Variants in DPF2 observed in about 807,000 individuals in gnomAD.
The protein encoded by DPF2 is double PHD fingers 2.
A neutral mutation model predicts 59.6 loss-of-function variants in DPF2; 10 were observed. The ratio of observed to expected loss-of-function variants is 0.17; its 90% CI spans 0.10 to 0.28. The LOEUF is 0.28. DPF2 is among the 10% of genes least tolerant of loss of function. The pLI is 1.00. For missense variants in DPF2, 315 were observed against 509.4 expected, an observed-to-expected ratio of 0.62 and a Z score of 3.67; for synonymous variants, 189 against 190.6, an observed-to-expected ratio of 0.99 and a Z score of 0.07.
In DPF2 at chr11:65,345,745, G is replaced by A. The variant is rs1312697528; in HGVS notation, c.717G>A (p.Glu239=). Reference sequence around the variant, plus strand: ...CCCACTTGGCTGAGGAGGAGGGCGAGGACAAGGAAGACTCTCAACCACCCA... The same window carrying A: ...CCCACTTGGCTGAGGAGGAGGGCGAAGACAAGGAAGACTCTCAACCACCCA... ...AHSHLAEEEG[E]DKEDSQPPTP... The change falls in exon 7 of 11, where the codon GAG becomes GAA. Residue 239 remains glutamate (E), a synonymous_variant. Coordinates refer to ENST00000528416, the MANE Select transcript of DPF2 (RefSeq NM_006268.5). 2 of 1,614,140 alleles carry A rather than the reference G, an allele frequency of 1.2e-6. No individual in the cohort carries two copies. Among genetic ancestry groups the A allele is most frequent in the South Asian group, 1.1e-5 (1 of 91,084 alleles).
chr11:65,345,483 C>A, intron 6 of DPF2, 183 bp from the exon 7 acceptor site: 1 of 759,578 alleles, frequency 1.3e-6, no homozygotes, highest in Non-Finnish European at 2.1e-6. Context: ...GCTAGAGAGC[C>A]CCACGGCCTG....
chr11:65,338,647 G>A (rs1249324321), intron 1 of DPF2, among the ~76,000 whole-genome samples: 4 of 152,146 alleles, frequency 2.6e-5, no homozygotes, highest in African/African-American at 4.8e-5. Context: ...CGTGAGATTC[G>A]TGCCTACCTC....
intron 10 of DPF2, among the ~76,000 whole-genome samples, chr11:65,351,165 A>G (rs1311023661): frequency 6.6e-6 from 1 of 152,184 alleles, no homozygotes; most frequent in Non-Finnish European, 1.5e-5. Flanking sequence ...AAGCCCTAGA[A>G]TAATGTCCAA....
At chr11:65,344,133 G>A in intron 6 of DPF2, 64 bp downstream of exon 6, 1 of 1,524,944 alleles carries the variant, frequency 6.6e-7, no homozygotes, top group African/African-American at 1.4e-5. Flanking sequence ...CTGGATATGA[G>A]AGGAGGGAGG....
At position 65,343,795 on chromosome 11, in the gene DPF2, T is replaced by C. The variant is rs757335854; in HGVS notation, c.516T>C (p.Tyr172=). Reference sequence around the variant, plus strand: ...TGGATGACCTCGATGATGAAGACTATGAAGAAGATACTCCCAAGCGTCGGG... The same window carrying C: ...TGGATGACCTCGATGATGAAGACTACGAAGAAGATACTCCCAAGCGTCGGG... ...DFLDDLDDED[Y]EEDTPKRRGK... Residue 172 remains tyrosine (Y), a synonymous_variant, in exon 5 of 11, where the codon TAT becomes TAC. Coordinates refer to ENST00000528416, the MANE Select transcript of DPF2 (RefSeq NM_006268.5). 9.4e-6 allele frequency: 15 copies of C among 1,595,838 alleles called. No individual in the cohort carries two copies. The highest frequency in any genetic ancestry group is 7.9e-5 in the South Asian group (7 of 88,352).
intron 1 of DPF2, among the ~76,000 whole-genome samples, chr11:65,337,353 T>C (rs1380735329): frequency 1.4e-5 from 2 of 148,132 alleles, no homozygotes; most frequent in East Asian, 2.0e-4. Context: ...AAGAGAATCG[T>C]TGGAACCCGG....
chr11:65,340,621 C>A, intron 2 of DPF2, 76 bp downstream of exon 2: 1 of 1,567,968 alleles, frequency 6.4e-7, no homozygotes. Flanking sequence ...GGTGATGAGA[C>A]AGTTGATAGG....
rs1353512216 is a variant in DPF2 at position 65,354,174 on chromosome 11, T to C, written c.*2415T>C. ...CTGCGTTTAATTCGGGACTGAAGGT[T>C]AGCAGGGAAGGGAACGATGCCAGAT... is the stretch of plus-strand genomic sequence containing the variant. On this transcript the variant is annotated 3_prime_UTR_variant, in exon 11 of 11. Transcript: ENST00000528416. Among the ~76,000 whole-genome samples the C allele has an allele frequency of 6.6e-6, 1 of 152,184 alleles. No individual in the cohort carries two copies. Among genetic ancestry groups the C allele is most frequent in the Non-Finnish European group, 1.5e-5 (1 of 68,022 alleles).
At chr11:65,337,897 C>G (rs557677001) in intron 1 of DPF2, among the ~76,000 whole-genome samples, 14 of 152,134 alleles carry the variant, frequency 9.2e-5, no homozygotes, top group African/African-American at 3.4e-4. Context: ...CTCCGCCTCC[C>G]AGGTTCAAGC....
At chr11:65,350,685 A>G (rs1854670475) in intron 10 of DPF2, among the ~76,000 whole-genome samples, 1 of 151,400 alleles carries the variant, frequency 6.6e-6, no homozygotes, top group Non-Finnish European at 1.5e-5. Context: ...TCTAGCCTGA[A>G]GAAAATCCCC....
intron 4 of DPF2, 167 bp downstream of exon 4, chr11:65,341,729 T>C: frequency 1.2e-6 from 1 of 853,442 alleles, no homozygotes; most frequent in South Asian, 2.0e-5. Context: ...ACTGACTGGC[T>C]TCTCTGTTGC....
Position 65,341,088 on chromosome 11 carries a change from TC to T in DPF2, c.301+17del. 6.2e-7 allele frequency: 1 copy of T among 1,613,158 alleles called. No homozygotes were observed. Among genetic ancestry groups the T allele is most frequent in the Non-Finnish European group, 8.5e-7 (1 of 1,179,466 alleles). On this transcript the variant is annotated intron_variant, in intron 3 of 10. Transcript: ENST00000528416. ...TATTAAGCCAGGTAAGGCACATACT[TC>T]CTGAGCAGAGGCGTGGCCTGCTGCA... is the stretch of plus-strand genomic sequence containing the variant.
intron 4 of DPF2, 160 bp from the exon 5 acceptor site, chr11:65,343,585 G>A (rs1854442783): frequency 3.2e-6 from 2 of 632,004 alleles, no homozygotes; most frequent in South Asian, 1.9e-5. Context: ...GGGAGCAGGA[G>A]CAGGATTATA....
intron 1 of DPF2, among the ~76,000 whole-genome samples, chr11:65,335,201 G>A (rs1166752692): frequency 1.3e-5 from 2 of 151,340 alleles, no homozygotes; most frequent in African/African-American, 4.9e-5. Flanking sequence ...TCTTTCTTCA[G>A]GCTGACATTT....
At position 65,351,945 on chromosome 11, in the gene DPF2, C is replaced by T; in HGVS notation, c.*186C>T. ...AGCTCTGACCACCTCTGGCCCCAGGCCCTCAGGGAGAAAGGAGCAACACAC... is the reference window on the plus strand; with the variant it reads ...AGCTCTGACCACCTCTGGCCCCAGGTCCTCAGGGAGAAAGGAGCAACACAC... On this transcript the variant is annotated 3_prime_UTR_variant, in exon 11 of 11. Coordinates refer to ENST00000528416, the MANE Select transcript of DPF2 (RefSeq NM_006268.5). 1 of 629,898 alleles carries T rather than the reference C, an allele frequency of 1.6e-6. No individual in the cohort carries two copies. The highest frequency in any genetic ancestry group is 2.8e-6 in the Non-Finnish European group (1 of 361,638). The allele number at this position is 629,898 out of a possible 1,614,324, so 39.0% of individuals were successfully genotyped here.
rs772219515 is a variant in DPF2 at position 65,346,304 on chromosome 11, G to A, written c.962G>A (p.Arg321His). 7.4e-6 allele frequency: 12 copies of A among 1,613,626 alleles called. No homozygotes were observed. Among genetic ancestry groups the A allele is most frequent in the African/African-American group, 6.7e-5 (5 of 74,814 alleles). Residue 321 changes from arginine (R) to histidine (H), a missense_variant, in exon 9 of 11, where the codon CGC (arginine) becomes CAC (histidine). By Grantham distance (29) the Arg-to-His change is conservative. This residue lies in a region of DPF2 where 27 missense variants were observed against 125.8 expected (regional missense o/e 0.21). Transcript: ENST00000528416. ...PVMMAAVKTY[R>H]WQCIECKCCN... is the part of the protein sequence containing the mutation. ...ATGATGGCGGCAGTGAAGACATACC[G>A]CTGGCAGTGCATCGAGTGCAAATGT...
At chr11:65,339,861 T>C (rs1854310991) in intron 1 of DPF2, among the ~76,000 whole-genome samples, 1 of 152,260 alleles carries the variant, frequency 6.6e-6, no homozygotes, top group Non-Finnish European at 1.5e-5. Flanking sequence ...AATTTCATTG[T>C]ATGGATTTAC....
At chr11:65,337,720 C>T (rs903098781) in intron 1 of DPF2, among the ~76,000 whole-genome samples, 3 of 151,828 alleles carry the variant, frequency 2.0e-5, no homozygotes, top group Non-Finnish European at 2.9e-5. Context: ...TCCCCTACCT[C>T]ATCCGCCCCA....
intron 1 of DPF2, among the ~76,000 whole-genome samples, chr11:65,334,677 G>A (rs988221609): frequency 3.9e-5 from 6 of 152,226 alleles, no homozygotes; most frequent in African/African-American, 1.2e-4. Context: ...TTGGGGCCAT[G>A]GACGCTGGCC....
Sources: gnomAD v4.1 joint callset for allele counts (sites outside exome capture counted in the v4.1 genomes callset) on GRCh38, gnomAD v4.1.1 for gene constraint, gnomAD v4.1.1 regional missense constraint, MANE v1.5 for transcripts, NCBI Gene and HGNC (gene_info 2026-07-23, HGNC 2026-07-21) for gene names.